FOXN2: variants seen among roughly 807,000 people sequenced by gnomAD.
FOXN2 encodes the protein forkhead box N2, also known as forkhead box protein N2.
Under a neutral mutation model 41.2 loss-of-function variants are expected in FOXN2, and 19 were observed. That is an observed-to-expected ratio of 0.46 (90% CI 0.32 to 0.68). The LOEUF is 0.68. FOXN2 is among the 30% of genes least tolerant of loss of function. FOXN2 has a pLI of 0.03. For missense variants in FOXN2, 587 were observed against 509.4 expected, an observed-to-expected ratio of 1.15 and a Z score of -1.47; for synonymous variants, 195 against 176.8, an observed-to-expected ratio of 1.10 and a Z score of -0.82.
At chr2:48,317,703 G>A (rs1238897000) in intron 1 of FOXN2, among the ~76,000 whole-genome samples, 5 of 135,160 alleles carry the variant, frequency 3.7e-5, no homozygotes, top group Non-Finnish European at 1.5e-5. Flanking sequence ...CACCTCCCGG[G>A]TTCAAGTGAT....
chr2:48,350,744 C>T (rs1402578899), intron 3 of FOXN2, among the ~76,000 whole-genome samples: 1 of 152,144 alleles, frequency 6.6e-6, no homozygotes, highest in Non-Finnish European at 1.5e-5. Context: ...AGATGGAGGC[C>T]AGTGGAAAAA....
At chr2:48,324,218 A>T (rs1182162469) in intron 1 of FOXN2, among the ~76,000 whole-genome samples, 1 of 96,632 alleles carries the variant, frequency 1.0e-5, no homozygotes, top group Non-Finnish European at 2.3e-5. Context: ...TTTTTGTGAC[A>T]GAGTTTCGCT....
chr2:48,362,722 C>CA lies in FOXN2; in HGVS notation c.703+16dup. 6.2e-7 allele frequency: 1 copy of CA among 1,600,914 alleles called. No homozygotes were observed. Among genetic ancestry groups the CA allele is most frequent in the African/African-American group, 1.3e-5 (1 of 74,748 alleles). ...AAACCTCAAAGGTATGTGTGAATAT[C>CA]AGTACAGTCATGCACCACACAACAA... On this transcript the variant is annotated intron_variant, in intron 5 of 6. Coordinates refer to ENST00000340553, the MANE Select transcript of FOXN2 (RefSeq NM_002158.4).
intron 2 of FOXN2, among the ~76,000 whole-genome samples, chr2:48,334,456 C>T (rs1670205697): frequency 6.6e-6 from 1 of 150,460 alleles, no homozygotes; most frequent in African/African-American, 2.4e-5. Flanking sequence ...ACTTTAGTGA[C>T]GTTGTCATCA....
chr2:48,333,165 C>T (rs933814418), intron 2 of FOXN2, among the ~76,000 whole-genome samples: 3 of 152,074 alleles, frequency 2.0e-5, no homozygotes, highest in African/African-American at 7.2e-5. Context: ...CTAAGCATGA[C>T]AACAGAGCCA....
intron 1 of FOXN2, among the ~76,000 whole-genome samples, chr2:48,319,261 A>G (rs904629104): frequency 8.8e-5 from 8 of 90,886 alleles, no homozygotes; most frequent in Admixed American, 2.8e-4. Context: ...ATATTTATGG[A>G]AAAAAAAATG....
At chr2:48,365,963 C>T (rs192099219) in intron 5 of FOXN2, among the ~76,000 whole-genome samples, 80 of 152,262 alleles carry the variant, frequency 5.3e-4, no homozygotes, top group African/African-American at 1.9e-3. Flanking sequence ...ATTAGACATT[C>T]ATTACAACTA....
In FOXN2 at chr2:48,377,574, G is replaced by T. The variant is rs1040293266; in HGVS notation, c.*2131G>T. 6.6e-6 allele frequency: 1 copy of T among 151,960 alleles called. No individual in the cohort carries two copies. Among genetic ancestry groups the T allele is most frequent in the Non-Finnish European group, 1.5e-5 (1 of 67,868 alleles). 9.4% of individuals were successfully genotyped at this position (151,960 alleles called of 1,614,324 possible). A position where few individuals can be genotyped will look rare whatever the true frequency, so the allele number is the denominator to read the frequency against. ...ATCTTCAAAGTTATTTTGTCTTGAT[G>T]TATGTAACAGTAATTCTTTACATCT... is the stretch of plus-strand genomic sequence containing the variant. On this transcript the variant is annotated 3_prime_UTR_variant, in exon 7 of 7. Coordinates refer to ENST00000340553, the MANE Select transcript of FOXN2 (RefSeq NM_002158.4).
At chr2:48,318,646 A>C (rs141809690) in intron 1 of FOXN2, among the ~76,000 whole-genome samples, 1 of 152,228 alleles carries the variant, frequency 6.6e-6, no homozygotes, top group Non-Finnish European at 1.5e-5. Flanking sequence ...ATGTATTTGT[A>C]ATTTCCCTCG....
intron 1 of FOXN2, among the ~76,000 whole-genome samples, chr2:48,325,942 A>T (rs1669645137): frequency 6.9e-6 from 1 of 143,970 alleles, no homozygotes; most frequent in Admixed American, 7.5e-5. Flanking sequence ...TGTGTCTCCC[A>T]GGTTCAGATG....
chr2:48,348,574 G>A (rs912997789), intron 3 of FOXN2, among the ~76,000 whole-genome samples: 17 of 152,138 alleles, frequency 1.1e-4, no homozygotes, highest in Admixed American at 7.9e-4. Context: ...AGAATGGCAG[G>A]GACGGAAGTA....
At chr2:48,328,883 A>G (rs544015555) in intron 2 of FOXN2, among the ~76,000 whole-genome samples, 181 bp downstream of exon 2, 12 of 152,116 alleles carry the variant, frequency 7.9e-5, no homozygotes, top group African/African-American at 2.7e-4. Flanking sequence ...TTTCTATTGT[A>G]TTTAGTAACA....
chr2:48,347,850 C>T (rs1279400598), intron 3 of FOXN2, among the ~76,000 whole-genome samples: 3 of 152,070 alleles, frequency 2.0e-5, no homozygotes, highest in Admixed American at 2.0e-4. Flanking sequence ...TCTAGGTTGA[C>T]ATTTTTTTCT....
rs1263131738 is a variant in FOXN2, at chr2:48,377,009, G to A, written c.*1566G>A. ...TTTTAATTTTTATTTTGGCAAAACT[G>A]TCAAATGAGAAAAATGATTTTAAAA... On this transcript the variant is annotated 3_prime_UTR_variant, in exon 7 of 7. Coordinates refer to ENST00000340553, the MANE Select transcript of FOXN2 (RefSeq NM_002158.4). The A allele has an allele frequency of 6.6e-6, 1 of 151,936 alleles. No individual in the cohort carries two copies. The highest frequency in any genetic ancestry group is 1.5e-5 in the Non-Finnish European group (1 of 67,866). 9.4% of individuals were successfully genotyped at this position (151,936 alleles called of 1,614,324 possible). A position where few individuals can be genotyped will look rare whatever the true frequency, so the allele number is the denominator to read the frequency against.
chr2:48,342,221 A>T (rs757346982), intron 2 of FOXN2, among the ~76,000 whole-genome samples: 1 of 152,110 alleles, frequency 6.6e-6, no homozygotes, highest in East Asian at 1.9e-4. Context: ...TTTTTAATTT[A>T]TTCACATTCT....
chr2:48,348,702 A>G (rs887229114), intron 3 of FOXN2, among the ~76,000 whole-genome samples: 3 of 152,250 alleles, frequency 2.0e-5, no homozygotes, highest in Admixed American at 2.0e-4. Context: ...TGGTTGCAGT[A>G]ATTACCATCA....
intron 4 of FOXN2, among the ~76,000 whole-genome samples, chr2:48,359,670 T>C (rs1437569598): frequency 1.3e-5 from 2 of 152,056 alleles, no homozygotes; most frequent in Non-Finnish European, 2.9e-5. Flanking sequence ...AAGTTAGTTT[T>C]CCTTATGGTC....
intron 5 of FOXN2, among the ~76,000 whole-genome samples, chr2:48,363,520 G>A (rs1672335700): frequency 6.6e-6 from 1 of 152,068 alleles, no homozygotes; most frequent in Non-Finnish European, 1.5e-5. Flanking sequence ...AATATCCTAG[G>A]CCTCTACATT....
At position 48,375,366 on chromosome 2, in the gene FOXN2, C is replaced by A; in HGVS notation, c.1219C>A (p.Leu407Ile). ...LKEAAGSLLH[L>I]AGIRTCLGSL... ...AGAGGCAGCTGGATCTCTGCTCCAC[C>A]TTGCTGGAATTCGTACATGTTTAGG... Residue 407 changes from leucine (L) to isoleucine (I), a missense_variant, in exon 7 of 7, where the codon CTT becomes ATT. Leu to Ile is a conservative substitution (Grantham distance 5). Transcript: ENST00000340553. The A allele has an allele frequency of 3.1e-6, 5 of 1,613,606 alleles. No homozygotes were observed. Among genetic ancestry groups the A allele is most frequent in the Non-Finnish European group, 4.2e-6 (5 of 1,179,802 alleles).
Sources: gnomAD v4.1 joint callset for allele counts (sites outside exome capture counted in the v4.1 genomes callset) on GRCh38, gnomAD v4.1.1 for gene constraint, MANE v1.5 for transcripts, NCBI Gene and HGNC (gene_info 2026-07-23, HGNC 2026-07-21) for gene names.